Variants in TBC1D23 observed in about 807,000 individuals in gnomAD.
TBC1D23 encodes HCV non-structural protein 4A-transactivated protein 1.
Under a neutral mutation model 91.4 loss-of-function variants are expected in TBC1D23, and 55 were observed. That is an observed-to-expected ratio of 0.60 (90% CI 0.48 to 0.75). The LOEUF is 0.75. Ranked by LOEUF, TBC1D23 falls within the 30% of genes least tolerant of loss-of-function variation. TBC1D23 has a pLI of 0.00. For missense variants in TBC1D23, 725 were observed against 836.1 expected (o/e 0.87, Z 1.64); for synonymous variants, 289 against 281.0 (o/e 1.03, Z -0.28).
intron 1 of TBC1D23, chr3:100,267,180 G>C (rs948778786): frequency 2.3e-6 from 1 of 430,108 alleles, no homozygotes; most frequent in Admixed American, 2.8e-5. Context: ...AAAATAATAG[G>C]ATTAAACAGT....
chr3:100,323,152 T>C (rs949843504), intron 18 of TBC1D23, among the ~76,000 whole-genome samples: 1 of 152,332 alleles, frequency 6.6e-6, no homozygotes, highest in Admixed American at 6.5e-5. Flanking sequence ...TGAACTTAAA[T>C]TATTTGCTTA....
chr3:100,293,705 G>T (rs1208411292), intron 5 of TBC1D23, among the ~76,000 whole-genome samples: 1 of 152,132 alleles, frequency 6.6e-6, no homozygotes, highest in East Asian at 1.9e-4. Flanking sequence ...CAAGTGTGAT[G>T]GCAATTACAT....
chr3:100,274,547 G>GT (rs1371771788), intron 1 of TBC1D23, among the ~76,000 whole-genome samples: 3 of 151,762 alleles, frequency 2.0e-5, no homozygotes, highest in African/African-American at 7.3e-5. Context: ...CTGAAACTTT[G>GT]TATCTGTTAA....
At chr3:100,297,424 G>C (rs1490481287) in intron 8 of TBC1D23, among the ~76,000 whole-genome samples, 2 of 152,166 alleles carry the variant, frequency 1.3e-5, no homozygotes, top group Non-Finnish European at 2.9e-5. Context: ...GTATAAGTCA[G>C]ATGGTAGGAT....
chr3:100,273,147 A>C (rs552626412), intron 1 of TBC1D23, among the ~76,000 whole-genome samples: 16 of 152,344 alleles, frequency 1.1e-4, no homozygotes, highest in African/African-American at 3.8e-4. Context: ...TTTCCTAGGC[A>C]GAGGTCCCTG....
At chr3:100,278,743 G>C (rs1034645523) in intron 1 of TBC1D23, among the ~76,000 whole-genome samples, 11 of 152,080 alleles carry the variant, frequency 7.2e-5, no homozygotes, top group African/African-American at 2.7e-4. Flanking sequence ...TTTTGTAAAA[G>C]TATTCTTTTA....
In TBC1D23 at chr3:100,281,725, T is replaced by C; in HGVS notation, c.166-17T>C. 1.3e-6 allele frequency: 2 copies of C among 1,556,872 alleles called. No homozygotes were observed. The highest frequency in any genetic ancestry group is 1.8e-6 in the Non-Finnish European group (2 of 1,130,162). On this transcript the variant is annotated splice_polypyrimidine_tract_variant and intron_variant, in intron 2 of 18. Coordinates refer to ENST00000394144, the MANE Select transcript of TBC1D23 (RefSeq NM_001199198.3). ...AATAACATATGAAGCTAGTCACTTT[T>C]TAAATCTTTCTTCCAGATTGCTCTG...
chr3:100,299,211 T>C (rs752770798), intron 9 of TBC1D23, 28 bp from the exon 10 acceptor site: 14 of 1,494,254 alleles, frequency 9.4e-6, no homozygotes, highest in Middle Eastern at 1.7e-4. Flanking sequence ...GGGAAATTCC[T>C]GTATGTCAAA....
intron 8 of TBC1D23, 23 bp from the exon 9 acceptor site, chr3:100,297,900 T>G: frequency 1.9e-6 from 3 of 1,563,132 alleles, no homozygotes; most frequent in Middle Eastern, 1.7e-4. Flanking sequence ...TTTCATAATG[T>G]TTAAAAATTT....
At chr3:100,318,575 GATA>G (rs999538294) in intron 16 of TBC1D23, among the ~76,000 whole-genome samples, 1 of 151,262 alleles carries the variant, frequency 6.6e-6, no homozygotes, top group Admixed American at 6.6e-5. Context: ...AGTGATGTTT[GATA>G]ATAATATTTC....
intron 3 of TBC1D23, among the ~76,000 whole-genome samples, chr3:100,282,581 G>C (rs1172596631): frequency 6.6e-6 from 1 of 152,128 alleles, no homozygotes; most frequent in African/African-American, 2.4e-5. Flanking sequence ...TCACAATGTG[G>C]ATGAATTTAG....
At chr3:100,298,662 G>A (rs1303536370) in intron 9 of TBC1D23, among the ~76,000 whole-genome samples, 4 of 152,108 alleles carry the variant, frequency 2.6e-5, no homozygotes, top group East Asian at 1.9e-4. Flanking sequence ...CTGTATCTGC[G>A]CTGGTTATTG....
At chr3:100,264,291 T>TCCCCTC (rs1317622327) in intron 1 of TBC1D23, among the ~76,000 whole-genome samples, 1 of 151,934 alleles carries the variant, frequency 6.6e-6, no homozygotes, top group East Asian at 1.9e-4. Context: ...TGTCTTTCTC[T>TCCCCTC]CCCCTCCCCC....
Position 100,280,787 on chromosome 3 carries a change from T to A in TBC1D23, c.166-955T>A, listed in dbSNP as rs1280257777. Among the ~76,000 whole-genome samples, 4 of 152,222 alleles carry A rather than the reference T, an allele frequency of 2.6e-5. 1 individual carries two copies. Among genetic ancestry groups the A allele is most frequent in the African/African-American group, 9.6e-5 (4 of 41,460 alleles). On this transcript the variant is annotated intron_variant, in intron 2 of 18. Coordinates refer to ENST00000394144, the MANE Select transcript of TBC1D23 (RefSeq NM_001199198.3). Reference sequence around the variant, plus strand: ...TGTTGTTTGATTAGTATCCTCATCCTTTCCTCCCCACCCAACTCACTGGAT... The same window carrying A: ...TGTTGTTTGATTAGTATCCTCATCCATTCCTCCCCACCCAACTCACTGGAT...
At chr3:100,277,206 T>C (rs892959428) in intron 1 of TBC1D23, among the ~76,000 whole-genome samples, 14 of 152,250 alleles carry the variant, frequency 9.2e-5, no homozygotes, top group African/African-American at 3.4e-4. Context: ...TTATCTCTGA[T>C]TGATCCTTCT....
At position 100,313,807 on chromosome 3, in the gene TBC1D23, T is replaced by C. The variant is rs148480851; in HGVS notation, c.1598+1930T>C. On this transcript the variant is annotated intron_variant, in intron 15 of 18. Coordinates refer to ENST00000394144, the MANE Select transcript of TBC1D23 (RefSeq NM_001199198.3). Reference sequence around the variant, plus strand: ...ATAAAGCTCTTACCTCTGTCTTTGCTTTTTGTAAGAAAGCTGAATCTGAGT... The same window carrying C: ...ATAAAGCTCTTACCTCTGTCTTTGCCTTTTGTAAGAAAGCTGAATCTGAGT... Among the ~76,000 whole-genome samples, 711 of 152,306 alleles carry C rather than the reference T, an allele frequency of 4.7e-3. 2 individuals carry two copies. The highest frequency in any genetic ancestry group is 6.4e-3 in the Non-Finnish European group (432 of 68,004).
At chr3:100,323,506 TGAAGG>T in intron 18 of TBC1D23, 76 bp from the exon 19 acceptor site, 6 of 698,798 alleles carry the variant, frequency 8.6e-6, no homozygotes, top group Non-Finnish European at 9.7e-6. Flanking sequence ...AGCTGAGTCT[TGAAGG>T]GAAAGCACTG....
At chr3:100,271,502 G>C (rs2067599187) in intron 1 of TBC1D23, among the ~76,000 whole-genome samples, 1 of 152,188 alleles carries the variant, frequency 6.6e-6, no homozygotes, top group Admixed American at 6.5e-5. Context: ...GGAGATAAGA[G>C]TCAGGTGAAG....
rs1705448817 is a variant in TBC1D23 at position 100,302,376 on chromosome 3, T to C, written c.1263+139T>C. ...ACTTGTTAAGGTCTTCTCCAGATTT[T>C]TCTCATATGCTTATATGATTTTTTT... On this transcript the variant is annotated intron_variant, in intron 11 of 18. Coordinates refer to ENST00000394144, the MANE Select transcript of TBC1D23 (RefSeq NM_001199198.3). 8.4e-6 allele frequency: 5 copies of C among 593,840 alleles called. No individual in the cohort carries two copies. In the South Asian group the frequency reaches 1.4e-4, roughly 17 times the overall value. The allele number at this position is 593,840 out of a possible 1,614,324, so 36.8% of individuals were successfully genotyped here.
Sources: allele counts gnomAD v4.1 joint callset (sites outside exome capture counted in the v4.1 genomes callset), GRCh38; gene constraint gnomAD v4.1.1; transcripts MANE v1.5; gene names NCBI Gene and HGNC (gene_info 2026-07-23, HGNC 2026-07-21).